The following GLIS3 variants were observed in gnomAD, a reference collection of about 807,000 sequenced individuals.
GLIS3 encodes the protein GLIS family zinc finger 3.
In GLIS3, 53 loss-of-function variants were observed where a neutral mutation model predicts 78.6. The ratio of observed to expected loss-of-function variants is 0.67; its 90% CI spans 0.54 to 0.85. The LOEUF is 0.85. GLIS3 is among the 40% of genes least tolerant of loss of function. The probability of loss-of-function intolerance (pLI) is 0.00; values close to 1 mark genes in which losing one functional copy is unlikely to be tolerated. For synonymous variants in GLIS3, 684 were observed against 509.9 expected (o/e 1.34, Z -4.60); for missense variants, 1,703 against 1,231.1 (o/e 1.38, Z -5.74).
the GLIS3 span, among the ~76,000 whole-genome samples, chr9:4,408,559 T>C: frequency 6.6e-6 from 1 of 151,564 alleles, no homozygotes; most frequent in African/African-American, 2.4e-5. Context: ...AAATCCCGTC[T>C]GTACTAAAAA....
At chr9:4,435,603 A>G in the GLIS3 span, among the ~76,000 whole-genome samples, 24 of 152,346 alleles carry the variant, frequency 1.6e-4, no homozygotes, top group Non-Finnish European at 2.6e-4. Flanking sequence ...CACTGAAAAG[A>G]CTGTTATATT....
chr9:4,296,101 C>T (rs1816479462), intron 1 of GLIS3, among the ~76,000 whole-genome samples: 1 of 152,068 alleles, frequency 6.6e-6, no homozygotes, highest in African/African-American at 2.4e-5. Flanking sequence ...AATGACTTCT[C>T]CAGAGATGAG....
intron 4 of GLIS3, among the ~76,000 whole-genome samples, chr9:4,076,828 G>A (rs77611644): frequency 2.2e-3 from 337 of 152,302 alleles, no homozygotes; most frequent in African/African-American, 7.7e-3. Context: ...AGGTCAAGGC[G>A]AGGGAATGGC....
At chr9:4,198,992 C>A (rs777225278) in intron 2 of GLIS3, among the ~76,000 whole-genome samples, 4 of 152,132 alleles carry the variant, frequency 2.6e-5, no homozygotes, top group East Asian at 1.9e-4. Context: ...GAAATAAAAT[C>A]TTTTCCAAAC....
At chr9:4,159,242 G>A (rs185284683) in intron 2 of GLIS3, among the ~76,000 whole-genome samples, 2 of 152,234 alleles carry the variant, frequency 1.3e-5, no homozygotes, top group East Asian at 3.9e-4. Flanking sequence ...TGAATCAGAT[G>A]AACCATCTCC....
intron 2 of GLIS3, among the ~76,000 whole-genome samples, chr9:4,328,673 C>T (rs1190387056): frequency 6.6e-6 from 1 of 152,252 alleles, no homozygotes; most frequent in Non-Finnish European, 1.5e-5. Context: ...GAATCTTGCT[C>T]TGCCTCTCTA....
Position 4,059,132 on chromosome 9 carries a change from G to A in GLIS3, c.1710+58636C>T, listed in dbSNP as rs548475043. On this transcript the variant is annotated intron_variant, in intron 4 of 10. Transcript: ENST00000381971. ...CTTTAATCAGATTCAAATCACCACTGGCTTAAATATTTTGAGGGTGGGATC... is the reference window on the plus strand; with the variant it reads ...CTTTAATCAGATTCAAATCACCACTAGCTTAAATATTTTGAGGGTGGGATC... Among the ~76,000 whole-genome samples, 3 of 152,256 alleles carry A rather than the reference G, an allele frequency of 2.0e-5. No homozygotes were observed. The East Asian group carries it at 5.8e-4, about 29-fold the overall frequency.
At chr9:4,048,269 A>G (rs971344456) in intron 4 of GLIS3, among the ~76,000 whole-genome samples, 1 of 152,228 alleles carries the variant, frequency 6.6e-6, no homozygotes, top group African/African-American at 2.4e-5. Context: ...TTTTAAATTC[A>G]GAATGATATG....
At position 3,874,525 on chromosome 9, in the gene GLIS3, G is replaced by A. The variant is rs73384238; in HGVS notation, c.2297+4902C>T. ...GAGGGGGCTGTGGAAATCCTGATTT[G>A]TAGTCAGTTTGTCAGATGTACAGGC... On this transcript the variant is annotated intron_variant, in intron 8 of 10. Transcript: ENST00000381971. Among the ~76,000 whole-genome samples the A allele has an allele frequency of 3.5e-3, 527 of 152,326 alleles. 4 individuals are homozygous for A. Among genetic ancestry groups the A allele is most frequent in the African/African-American group, 0.011 (471 of 41,570 alleles).
chr9:4,210,431 CA>C (rs1488541184), intron 2 of GLIS3, among the ~76,000 whole-genome samples: 1 of 152,136 alleles, frequency 6.6e-6, no homozygotes, highest in East Asian at 1.9e-4. Context: ...TTTGAATTGC[CA>C]ATCCGAAAAC....
chr9:3,894,507 A>G (rs1004138578), intron 7 of GLIS3, among the ~76,000 whole-genome samples: 207 of 152,316 alleles, frequency 1.4e-3, no homozygotes, highest in Non-Finnish European at 4.3e-4. Context: ...TTAAAATGAA[A>G]TAGTAACTAT....
intron 4 of GLIS3, among the ~76,000 whole-genome samples, chr9:4,066,363 G>C (rs10814826): frequency 0.24 from 36,147 of 152,010 alleles, 5,126 homozygotes; most frequent in Middle Eastern, 0.41. Context: ...GCATATTCCT[G>C]TCTTATCTTT....
chr9:4,297,807 G>A (rs1343435693), intron 1 of GLIS3, among the ~76,000 whole-genome samples: 1 of 152,204 alleles, frequency 6.6e-6, no homozygotes, highest in Non-Finnish European at 1.5e-5. Context: ...CAAGAGGAGG[G>A]CTGGAGAAGT....
chr9:4,224,154 G>C (rs1485763846), intron 2 of GLIS3, among the ~76,000 whole-genome samples: 1 of 152,176 alleles, frequency 6.6e-6, no homozygotes, highest in East Asian at 1.9e-4. Context: ...GGAGCCCCTT[G>C]CACTCTGATT....
intron 8 of GLIS3, among the ~76,000 whole-genome samples, chr9:3,865,094 G>A (rs1158838718): frequency 6.6e-6 from 1 of 152,148 alleles, no homozygotes; most frequent in Non-Finnish European, 1.5e-5. Flanking sequence ...TGAGCCTAAT[G>A]ATGTTCTCTG....
At chr9:4,392,903 A>G in the GLIS3 span, among the ~76,000 whole-genome samples, 1 of 152,040 alleles carries the variant, frequency 6.6e-6, no homozygotes, top group Non-Finnish European at 1.5e-5. Context: ...ACTTCTTTAG[A>G]TCACTATTCT....
intron 4 of GLIS3, chr9:4,071,612 C>T (rs1411641246): frequency 6.6e-6 from 1 of 152,146 alleles, no homozygotes; most frequent in African/African-American, 2.4e-5. Flanking sequence ...GAAAAGAATA[C>T]TATGCAAAAG....
At chr9:4,061,660 G>C (rs917167603) in intron 4 of GLIS3, among the ~76,000 whole-genome samples, 1 of 152,086 alleles carries the variant, frequency 6.6e-6, no homozygotes, top group African/African-American at 2.4e-5. Flanking sequence ...TACTTTTTTA[G>C]AGTCTCGGGT....
the GLIS3 span, among the ~76,000 whole-genome samples, chr9:4,447,447 G>GCAC: frequency 3.3e-5 from 5 of 152,100 alleles, no homozygotes; most frequent in African/African-American, 1.2e-4. Context: ...CCCAACCACA[G>GCAC]CACCACCACC....
Sources: gnomAD v4.1 joint callset for allele counts (sites outside exome capture counted in the v4.1 genomes callset) on GRCh38, gnomAD v4.1.1 for gene constraint, MANE v1.5 for transcripts, NCBI Gene and HGNC (gene_info 2026-07-23, HGNC 2026-07-21) for gene names.